MPP7: variants seen among roughly 807,000 people sequenced by gnomAD.
MPP7 encodes the protein MAGUK p55 subfamily member 7.
Under a neutral mutation model 76.5 loss-of-function variants are expected in MPP7, and 60 were observed. The ratio of observed to expected loss-of-function variants is 0.78; its 90% confidence interval spans 0.64 to 0.97. The LOEUF is 0.97. MPP7 is among the 50% of genes least tolerant of loss of function. The pLI, the probability that MPP7 is intolerant of heterozygous loss-of-function variation, is 0.00. For missense variants in MPP7, 641 were observed against 694.0 expected (o/e 0.92, Z 0.86); for synonymous variants, 237 against 244.5 (o/e 0.97, Z 0.29).
intron 2 of MPP7, among the ~76,000 whole-genome samples, chr10:28,216,669 T>A (rs1838319607): frequency 2.0e-5 from 3 of 152,182 alleles, no homozygotes; most frequent in African/African-American, 7.2e-5. Flanking sequence ...ACACACACAC[T>A]GGAGATGACC....
At chr10:28,179,501 C>T (rs1460797215) in intron 3 of MPP7, among the ~76,000 whole-genome samples, 2 of 152,122 alleles carry the variant, frequency 1.3e-5, no homozygotes, top group African/African-American at 4.8e-5. Context: ...TTACTGATTT[C>T]TTGGAAATAT....
At chr10:28,231,313 C>G in intron 2 of MPP7, among the ~76,000 whole-genome samples, 1 of 149,626 alleles carries the variant, frequency 6.7e-6, no homozygotes, top group East Asian at 2.0e-4. Context: ...CAAAACTTAG[C>G]GAGAAATAGT....
At chr10:28,167,547 A>G (rs1035838807) in intron 3 of MPP7, among the ~76,000 whole-genome samples, 4 of 152,178 alleles carry the variant, frequency 2.6e-5, no homozygotes, top group Non-Finnish European at 2.9e-5. Context: ...GACCGGCTCA[A>G]CAGAAGTCCA....
intron 1 of MPP7, among the ~76,000 whole-genome samples, chr10:28,273,593 T>C (rs1485319193): frequency 6.6e-6 from 1 of 152,244 alleles, no homozygotes; most frequent in Non-Finnish European, 1.5e-5. Flanking sequence ...TCTACCTTCA[T>C]GTTTAAGAGC....
intron 3 of MPP7, among the ~76,000 whole-genome samples, chr10:28,156,493 C>T (rs186029673): frequency 5.9e-5 from 9 of 152,248 alleles, no homozygotes; most frequent in Non-Finnish European, 1.0e-4. Context: ...TCTGAGGTCA[C>T]GCAACCAAAT....
At chr10:28,055,846 T>A (rs1456910841) in intron 16 of MPP7, among the ~76,000 whole-genome samples, 1 of 152,172 alleles carries the variant, frequency 6.6e-6, no homozygotes, top group Non-Finnish European at 1.5e-5. Flanking sequence ...TACAATAGTA[T>A]GAAATGTTCA....
chr10:28,113,310 C>T (rs868589405), intron 11 of MPP7, among the ~76,000 whole-genome samples: 17 of 152,294 alleles, frequency 1.1e-4, no homozygotes, highest in Middle Eastern at 3.4e-3. Flanking sequence ...CTCCCCTCTT[C>T]CTGTTGGCCC....
chr10:28,177,050 G>GA (rs1301464940), intron 3 of MPP7, among the ~76,000 whole-genome samples: 1 of 150,634 alleles, frequency 6.6e-6, no homozygotes. Context: ...AGAAAGAAAA[G>GA]AAAAAAACAA....
intron 1 of MPP7, among the ~76,000 whole-genome samples, chr10:28,279,230 G>A (rs1050720993): frequency 2.0e-5 from 3 of 151,996 alleles, no homozygotes; most frequent in African/African-American, 7.3e-5. Context: ...AGATTCAGAA[G>A]GACGAAGCTA....
chr10:28,204,369 G>A (rs1023155170), intron 2 of MPP7, among the ~76,000 whole-genome samples: 16 of 151,142 alleles, frequency 1.1e-4, no homozygotes, highest in Admixed American at 3.3e-4. Context: ...CTTGAACCCC[G>A]GAGGTGGAGG....
chr10:28,092,356 A>G (rs566327596), intron 11 of MPP7, among the ~76,000 whole-genome samples: 1 of 152,190 alleles, frequency 6.6e-6, no homozygotes, highest in Non-Finnish European at 1.5e-5. Flanking sequence ...TTGTAAACAC[A>G]TGGGTGTCTT....
chr10:28,201,294 C>A (rs1195276593), intron 3 of MPP7, among the ~76,000 whole-genome samples: 4 of 152,144 alleles, frequency 2.6e-5, no homozygotes, highest in African/African-American at 9.7e-5. Context: ...TGCTCATTTT[C>A]TAATACTCTA....
intron 2 of MPP7, 35 bp downstream of exon 2, chr10:28,238,533 A>G: frequency 6.2e-7 from 1 of 1,609,808 alleles, no homozygotes; most frequent in African/African-American, 1.3e-5. Flanking sequence ...TTAAGCAAAG[A>G]TGGAATGAGA....
At chr10:28,157,619 G>A (rs1836112045) in intron 3 of MPP7, among the ~76,000 whole-genome samples, 1 of 152,210 alleles carries the variant, frequency 6.6e-6, no homozygotes, top group Non-Finnish European at 1.5e-5. Flanking sequence ...CTGGGGCTCT[G>A]CATGCCCTGG....
chr10:28,173,172 A>G (rs79072460), intron 3 of MPP7, among the ~76,000 whole-genome samples: 4,344 of 151,816 alleles, frequency 0.029, 79 homozygotes, highest in South Asian at 0.052. Flanking sequence ...TGAGCAGGGC[A>G]GGAATACTAA....
At chr10:28,238,491 T>A in intron 2 of MPP7, 77 bp downstream of exon 2, 1 of 1,478,674 alleles carries the variant, frequency 6.8e-7, no homozygotes, top group Admixed American at 1.7e-5. Context: ...TGCATTTGCT[T>A]AAAGCATGCT....
intron 11 of MPP7, chr10:28,118,024 A>C (rs921027048): frequency 5.5e-6 from 5 of 914,988 alleles, no homozygotes; most frequent in South Asian, 5.1e-5. Flanking sequence ...ACAAAAAAAA[A>C]CAAAATTAGT....
intron 1 of MPP7, among the ~76,000 whole-genome samples, chr10:28,275,564 G>C (rs904952729): frequency 6.6e-6 from 1 of 151,464 alleles, no homozygotes; most frequent in Non-Finnish European, 1.5e-5. Flanking sequence ...GCACCACCAC[G>C]CCTGGCTAAT....
rs541364295 is a variant in MPP7 at position 28,302,058 on chromosome 10, C to CA, written c.-132+802_-132+803insT. Among the ~76,000 whole-genome samples, 994 of 152,250 alleles carry CA rather than the reference C, an allele frequency of 6.5e-3. 15 individuals are homozygous for CA. The highest frequency in any genetic ancestry group is 0.023 in the African/African-American group (947 of 41,532). Reference sequence around the variant, plus strand: ...AGAGACTGTTTTTAGAGAGCCCCCCCTTTTTTAAATGTGAATATTGCTTTT... The same window carrying CA: ...AGAGACTGTTTTTAGAGAGCCCCCCCATTTTTTAAATGTGAATATTGCTTTT... On this transcript the variant is annotated intron_variant, in intron 1 of 16. Coordinates refer to ENST00000683449, the MANE Select transcript of MPP7 (RefSeq NM_001318170.2).
Sources: allele counts gnomAD v4.1 joint callset (sites outside exome capture counted in the v4.1 genomes callset), GRCh38; gene constraint gnomAD v4.1.1; transcripts MANE v1.5; gene names NCBI Gene and HGNC (gene_info 2026-07-23, HGNC 2026-07-21).